RAB36: variants seen among roughly 807,000 people sequenced by gnomAD.
RAB36 encodes ras-related protein Rab-36.
A neutral mutation model predicts 39.3 loss-of-function variants in RAB36; 33 were observed. The observed-to-expected ratio is 0.84, with a 90% CI of 0.64 to 1.12. The LOEUF is 1.12. Among genes scored for constraint, RAB36 ranks in the 50% most tolerant of loss-of-function variants. The pLI is 0.00. For synonymous variants in RAB36, 133 were observed against 140.2 expected (o/e 0.95, Z 0.36); for missense variants, 308 against 355.3 (o/e 0.87, Z 1.07).
rs965044052 is a variant in RAB36, at chr22:23,150,135, A to G, written c.142A>G (p.Arg48Gly). 1 of 1,612,374 alleles carries G rather than the reference A, an allele frequency of 6.2e-7. No homozygotes were observed. The highest frequency in any genetic ancestry group is 8.5e-7 in the Non-Finnish European group (1 of 1,179,358). Residue 48 changes from arginine to glycine, a missense_variant, in exon 3 of 11, where the codon AGG becomes GGG. Arg to Gly is a moderately radical substitution (Grantham distance 125, BLOSUM62 -2). Transcript: ENST00000263116. ...GCAGGTCAGCGCTGCCTGCCAACGC[A>G]GGAACACGGGGACTGTCGGGTGAGC... is the stretch of plus-strand genomic sequence containing the variant. The part of the protein sequence containing the change: ...HGQVSAACQR[R>G]NTGTVGLKLS...
chr22:23,153,037 T>C lies in RAB36; in HGVS notation c.232T>C (p.Cys78Arg). 4 of 1,613,706 alleles carry C rather than the reference T, an allele frequency of 2.5e-6. No individual in the cohort carries two copies. Among genetic ancestry groups the C allele is most frequent in the Non-Finnish European group, 3.4e-6 (4 of 1,179,626 alleles). The change falls in exon 5 of 11, where the codon TGC becomes CGC. Residue 78 changes from cysteine to arginine, a missense_variant. Transcript: ENST00000263116. Reference protein sequence around the residue: ...VGKTSLIHRFCKNVFDRDYKA... With the variant: ...VGKTSLIHRFRKNVFDRDYKA... ...CGACTTCCTCATCCCCCACAGGTTT[T>C]GCAAGAATGTTTTTGATCGAGACTA... is the stretch of plus-strand genomic sequence containing the variant.
intron 1 of RAB36, 99 bp from the exon 2 acceptor site, chr22:23,146,506 C>T: frequency 1.3e-6 from 2 of 1,491,566 alleles, no homozygotes; most frequent in Non-Finnish European, 9.0e-7. Flanking sequence ...GCCACTGCAC[C>T]CAGCCTGGAT....
chr22:23,152,110 G>A (rs1302462748), intron 3 of RAB36, among the ~76,000 whole-genome samples: 1 of 152,254 alleles, frequency 6.6e-6, no homozygotes, highest in Non-Finnish European at 1.5e-5. Context: ...GGACAGCACA[G>A]ACGTGCCCAC....
intron 3 of RAB36, 132 bp downstream of exon 3, chr22:23,150,286 G>C: frequency 2.8e-6 from 2 of 704,366 alleles, no homozygotes; most frequent in East Asian, 5.5e-5. Context: ...AAGATGACTG[G>C]GGTTTTCTTT....
In RAB36 at chr22:23,152,506, G is replaced by A. The variant is rs1433240535; in HGVS notation, c.207G>A (p.Gly69=). 1.2e-6 allele frequency: 2 copies of A among 1,614,202 alleles called. No individual in the cohort carries two copies. The highest frequency in any genetic ancestry group is 1.7e-6 in the Non-Finnish European group (2 of 1,180,032). The change falls in exon 4 of 11, where the codon GGG becomes GGA. Residue 69 remains glycine, a synonymous_variant. Transcript: ENST00000263116. ...TGGTGGTTGGCGATCTCTACGTGGG[G>A]AAGACCAGCCTCATCCACAGGTACA... ...KVVVVGDLYV[G]KTSLIHRFCK... is the part of the protein sequence containing the mutation.
At position 23,152,491 on chromosome 22, in the gene RAB36, C is replaced by A; in HGVS notation, c.192C>A (p.Gly64=). 1 of 1,614,154 alleles carries A rather than the reference C, an allele frequency of 6.2e-7. No homozygotes were observed. Among genetic ancestry groups the A allele is most frequent in the East Asian group, 2.2e-5 (1 of 44,872 alleles). Residue 64 remains glycine (G), a synonymous_variant, in exon 4 of 11, where the codon GGC becomes GGA. Coordinates refer to ENST00000263116, the MANE Select transcript of RAB36 (RefSeq NM_004914.5). ...GLKLSKVVVV[G]DLYVGKTSLI... ...AACTCTCCAAGGTGGTGGTGGTTGGCGATCTCTACGTGGGGAAGACCAGCC... is the reference window on the plus strand; with the variant it reads ...AACTCTCCAAGGTGGTGGTGGTTGGAGATCTCTACGTGGGGAAGACCAGCC...
intron 5 of RAB36, among the ~76,000 whole-genome samples, chr22:23,154,875 CA>C (rs2071368291): frequency 6.6e-6 from 1 of 152,206 alleles, no homozygotes; most frequent in African/African-American, 2.4e-5. Flanking sequence ...CCTGTAATCC[CA>C]GCACTTTGGG....
chr22:23,145,401 C>T (rs376247610), upstream of RAB36: 82 of 1,609,378 alleles, frequency 5.1e-5, no homozygotes, highest in Non-Finnish European at 6.6e-5. Flanking sequence ...TGCTTGGACG[C>T]GCCGCTGCCA....
chr22:23,158,652 G>C (rs1477746454), intron 7 of RAB36, among the ~76,000 whole-genome samples: 1 of 152,258 alleles, frequency 6.6e-6, no homozygotes, highest in African/African-American at 2.4e-5. Context: ...GGAGAGGCCA[G>C]AGGTGGGGCC....
At chr22:23,147,498 T>G (rs9612244) in intron 2 of RAB36, among the ~76,000 whole-genome samples, 35,157 of 151,952 alleles carry the variant, frequency 0.23, 4,577 homozygotes, top group East Asian at 0.35. Context: ...GCCTGGCTAA[T>G]TTTTAATTTT....
intron 6 of RAB36, 191 bp downstream of exon 6, chr22:23,156,223 G>T: frequency 1.8e-6 from 1 of 557,696 alleles, no homozygotes; most frequent in South Asian, 2.0e-5. Context: ...TGACTTTGGC[G>T]ATCACACCCT....
chr22:23,152,887 G>A (rs996052865), intron 4 of RAB36, 146 bp from the exon 5 acceptor site: 2 of 659,330 alleles, frequency 3.0e-6, no homozygotes, highest in Admixed American at 2.7e-5. Context: ...CTTGCTGGCT[G>A]CCCTGCCCAC....
At chr22:23,166,173 AAAAAG>A (rs1437947549), downstream of RAB36, among the ~76,000 whole-genome samples, 7 of 145,710 alleles carry the variant, frequency 4.8e-5, no homozygotes, top group East Asian at 9.9e-4. Context: ...AAAAAAAAAA[AAAAAG>A]GAGTGTTTCC....
At chr22:23,150,304 CTTTTTTTTTT>C in intron 3 of RAB36, 150 bp downstream of exon 3, 1 of 444,524 alleles carries the variant, frequency 2.2e-6, no homozygotes, top group Non-Finnish European at 4.1e-6. Flanking sequence ...TTTTTTTTTT[CTTTTTTTTTT>C]TTTTTGAGAC....
chr22:23,162,723 C>G lies in RAB36; in HGVS notation c.*1159C>G. ...TCATCCCACCCGTCTCGTGCTGTTGCTTCCCGTAGATGGCGAGCACCTTGC... is the reference window on the plus strand; with the variant it reads ...TCATCCCACCCGTCTCGTGCTGTTGGTTCCCGTAGATGGCGAGCACCTTGC... On this transcript the variant is annotated 3_prime_UTR_variant, in exon 11 of 11. Coordinates refer to ENST00000263116, the MANE Select transcript of RAB36 (RefSeq NM_004914.5). The G allele has an allele frequency of 2.2e-6, 1 of 456,248 alleles. No homozygotes were observed. Among genetic ancestry groups the G allele is most frequent in the South Asian group, 1.5e-5 (1 of 64,564 alleles). 28.3% of individuals were successfully genotyped at this position (456,248 alleles called of 1,614,324 possible).
At chr22:23,148,633 C>T (rs1419256228) in intron 2 of RAB36, among the ~76,000 whole-genome samples, 1 of 152,220 alleles carries the variant, frequency 6.6e-6, no homozygotes, top group Non-Finnish European at 1.5e-5. Flanking sequence ...CCCCAGGGCC[C>T]TGAGAAATTC....
intron 2 of RAB36, among the ~76,000 whole-genome samples, chr22:23,148,193 C>T (rs2070909339): frequency 6.6e-6 from 1 of 152,146 alleles, no homozygotes; most frequent in African/African-American, 2.4e-5. Context: ...GTTCCTTCTT[C>T]ACACACCTAC....
intron 1 of RAB36, among the ~76,000 whole-genome samples, 182 bp from the exon 2 acceptor site, chr22:23,146,423 G>T (rs1373936151): frequency 3.3e-5 from 5 of 151,840 alleles, no homozygotes; most frequent in Admixed American, 1.3e-4. Flanking sequence ...TGTTGCCCAG[G>T]CTGGTCTCAA....
At chr22:23,153,174 T>C (rs1352818943) in intron 5 of RAB36, 40 bp downstream of exon 5, 1 of 1,460,404 alleles carries the variant, frequency 6.8e-7, no homozygotes, top group East Asian at 2.3e-5. Context: ...GGCAGCTTCC[T>C]ACAGGCACCT....
Sources: allele counts gnomAD v4.1 joint callset (sites outside exome capture counted in the v4.1 genomes callset), GRCh38; gene constraint gnomAD v4.1.1; transcripts MANE v1.5; gene names NCBI Gene and HGNC (gene_info 2026-07-23, HGNC 2026-07-21).